Variants in GLIS3 observed in about 807,000 individuals in gnomAD.
The protein encoded by GLIS3 is zinc finger protein GLIS3.
In GLIS3, 53 loss-of-function variants were observed where a neutral mutation model predicts 78.6. The ratio of observed to expected loss-of-function variants is 0.67; its 90% confidence interval spans 0.54 to 0.85. The LOEUF (loss-of-function observed/expected upper bound fraction) is 0.85. Ranked by LOEUF, GLIS3 falls within the 40% of genes least tolerant of loss-of-function variation. The pLI is 0.00. For missense variants in GLIS3, 1,703 were observed against 1,231.1 expected, an observed-to-expected ratio of 1.38 and a Z score of -5.74; for synonymous variants, 684 against 509.9, an observed-to-expected ratio of 1.34 and a Z score of -4.60.
chr9:3,973,266 T>G (rs1431834610), intron 4 of GLIS3, among the ~76,000 whole-genome samples: 1 of 152,164 alleles, frequency 6.6e-6, no homozygotes, highest in Non-Finnish European at 1.5e-5. Context: ...ACCTGAGCTT[T>G]GGTGTCTAGA....
At chr9:4,257,777 G>T (rs1825117745) in intron 2 of GLIS3, among the ~76,000 whole-genome samples, 1 of 152,024 alleles carries the variant, frequency 6.6e-6, no homozygotes, top group African/African-American at 2.4e-5. Flanking sequence ...GTTTCACTGT[G>T]TTAGCCGGGA....
chr9:4,025,443 G>A (rs886193013), intron 4 of GLIS3, among the ~76,000 whole-genome samples: 11 of 152,126 alleles, frequency 7.2e-5, no homozygotes, highest in South Asian at 4.2e-4. Flanking sequence ...GCTGGAGTGG[G>A]GTGGCGTGAT....
At chr9:4,151,277 G>A (rs536034714) in intron 2 of GLIS3, among the ~76,000 whole-genome samples, 1 of 152,210 alleles carries the variant, frequency 6.6e-6, no homozygotes, top group South Asian at 2.1e-4. Context: ...CTCTTCAGGA[G>A]AAAAAAGAAA....
chr9:4,465,348 G>A, the GLIS3 span, among the ~76,000 whole-genome samples: 9 of 152,208 alleles, frequency 5.9e-5, no homozygotes, highest in Admixed American at 5.9e-4. Context: ...GGGAGTTCGA[G>A]ACCAGCCTGG....
chr9:4,104,346 T>C (rs574666687), intron 4 of GLIS3, among the ~76,000 whole-genome samples: 7 of 152,248 alleles, frequency 4.6e-5, no homozygotes, highest in South Asian at 2.1e-4. Flanking sequence ...TCTGTCTCTA[T>C]ACCTCATATG....
chr9:4,237,546 A>G (rs2224492), intron 2 of GLIS3, among the ~76,000 whole-genome samples: 38,745 of 152,190 alleles, frequency 0.25, 5,929 homozygotes, highest in East Asian at 0.34. Flanking sequence ...CATCATTATC[A>G]TTCAAAATGA....
At chr9:3,984,646 G>A (rs950902094) in intron 4 of GLIS3, among the ~76,000 whole-genome samples, 1 of 152,102 alleles carries the variant, frequency 6.6e-6, no homozygotes, top group Non-Finnish European at 1.5e-5. Flanking sequence ...AAGACTTTGG[G>A]GGACTCTTGG....
At chr9:3,851,241 G>A (rs1819414007) in intron 9 of GLIS3, among the ~76,000 whole-genome samples, 1 of 152,160 alleles carries the variant, frequency 6.6e-6, no homozygotes. Flanking sequence ...AACTAATCCA[G>A]GCAACATTCT....
intron 4 of GLIS3, among the ~76,000 whole-genome samples, chr9:3,966,210 T>C (rs1229917817): frequency 1.3e-5 from 2 of 152,236 alleles, no homozygotes; most frequent in Non-Finnish European, 2.9e-5. Flanking sequence ...ACTATATAAC[T>C]GTTGAATGAA....
intron 2 of GLIS3, among the ~76,000 whole-genome samples, chr9:4,224,236 G>C (rs1025681888): frequency 2.0e-5 from 3 of 152,146 alleles, no homozygotes; most frequent in Admixed American, 1.3e-4. Context: ...AGAAAGGAAA[G>C]TGATTGACCA....
chr9:3,880,305 C>G (rs1821641617), intron 7 of GLIS3, among the ~76,000 whole-genome samples: 1 of 152,176 alleles, frequency 6.6e-6, no homozygotes, highest in Admixed American at 6.5e-5. Flanking sequence ...GGCAGCCTAG[C>G]CTTCGAGAAC....
the GLIS3 span, among the ~76,000 whole-genome samples, chr9:4,410,254 G>C: frequency 1.3e-5 from 2 of 151,958 alleles, no homozygotes; most frequent in Non-Finnish European, 2.9e-5. Flanking sequence ...TGGGATTACA[G>C]GCATGAGCCA....
At chr9:4,187,971 A>G (rs1347695327) in intron 2 of GLIS3, among the ~76,000 whole-genome samples, 3 of 151,980 alleles carry the variant, frequency 2.0e-5, no homozygotes, top group Non-Finnish European at 4.4e-5. Context: ...CTCTTTTCCT[A>G]ACTGAATACC....
the GLIS3 span, among the ~76,000 whole-genome samples, chr9:4,404,420 A>T: frequency 3.3e-5 from 5 of 152,212 alleles, no homozygotes. Flanking sequence ...CAGAATATAC[A>T]TTCTTCTCAG....
intron 4 of GLIS3, among the ~76,000 whole-genome samples, chr9:4,085,950 G>C (rs1458599726): frequency 6.6e-6 from 1 of 152,012 alleles, no homozygotes; most frequent in Non-Finnish European, 1.5e-5. Context: ...CCCAGTCCTG[G>C]GTATTTCTTT....
intron 7 of GLIS3, among the ~76,000 whole-genome samples, chr9:3,881,603 C>T (rs778635618): frequency 7.2e-5 from 11 of 152,164 alleles, no homozygotes; most frequent in Non-Finnish European, 1.2e-4. Flanking sequence ...AGAGTTAAGC[C>T]TGGTTTAGGA....
At chr9:4,426,963 G>C in the GLIS3 span, among the ~76,000 whole-genome samples, 9 of 152,216 alleles carry the variant, frequency 5.9e-5, no homozygotes, top group African/African-American at 1.4e-4. Flanking sequence ...TTAAACTGTA[G>C]AGTGGATGAG....
At chr9:4,309,226 T>C (rs191310839) in intron 3 of GLIS3, among the ~76,000 whole-genome samples, 114 of 152,344 alleles carry the variant, frequency 7.5e-4, no homozygotes, top group African/African-American at 2.5e-3. Context: ...GCCAAAGCCA[T>C]TGCTGTCTAC....
At position 4,286,311 on chromosome 9, in the gene GLIS3, C is replaced by G; in HGVS notation, c.115G>C (p.Gly39Arg). ...PAIRAHSGTPGPSPCGSTSSP... is the reference protein window; with the variant it reads ...PAIRAHSGTPRPSPCGSTSSP... ...GATGTGCTGCCACAGGGCGAGGGGC[C>G]AGGAGTCCCGGAGTGGGCTCGGATG... The change falls in exon 2 of 11, where the codon GGC (glycine) becomes CGC (arginine). Residue 39 changes from glycine to arginine, a missense_variant. Gly to Arg is a moderately radical substitution (Grantham distance 125). Coordinates refer to ENST00000381971, the MANE Select transcript of GLIS3 (RefSeq NM_001042413.2). 1 of 1,614,158 alleles carries G rather than the reference C, an allele frequency of 6.2e-7. No homozygotes were observed. The highest frequency in any genetic ancestry group is 1.1e-5 in the South Asian group (1 of 91,082).
Sources: gnomAD v4.1 joint callset for allele counts (sites outside exome capture counted in the v4.1 genomes callset) on GRCh38, gnomAD v4.1.1 for gene constraint, MANE v1.5 for transcripts, NCBI Gene and HGNC (gene_info 2026-07-23, HGNC 2026-07-21) for gene names.